LMTK2: variants seen among roughly 807,000 people sequenced by gnomAD.
LMTK2 encodes serine/threonine-protein kinase LMTK2.
In LMTK2, 37 loss-of-function variants were observed where a neutral mutation model predicts 127.5. The ratio of observed to expected loss-of-function variants is 0.29; its 90% CI spans 0.22 to 0.38. The LOEUF (loss-of-function observed/expected upper bound fraction) is 0.38, where lower values mean the gene tolerates loss of function less well. Ranked by LOEUF, LMTK2 falls within the 10% of genes least tolerant of loss-of-function variation. The pLI is 1.00. For synonymous variants in LMTK2, 819 were observed against 810.1 expected, an observed-to-expected ratio of 1.01 and a Z score of -0.19; for missense variants, 1,694 against 1,920.3, an observed-to-expected ratio of 0.88 and a Z score of 2.20.
At position 98,154,974 on chromosome 7, in the gene LMTK2, T is replaced by A. The variant is rs531356231; in HGVS notation, c.569+98T>A. The A allele has an allele frequency of 8.6e-5, 61 of 712,500 alleles. No homozygotes were observed. The African/African-American group carries it at 1.0e-3, about 12-fold the overall frequency. 44.1% of individuals were successfully genotyped at this position (712,500 alleles called of 1,614,324 possible). On this transcript the variant is annotated intron_variant, in intron 5 of 13. Transcript: ENST00000297293. ...GTGGGATTTCTGCCTGTAACATACA[T>A]GATTAAGTAAGTTCCAAGGTCTCAT...
chr7:98,173,947 T>A (rs182546408), intron 7 of LMTK2, among the ~76,000 whole-genome samples: 1 of 152,136 alleles, frequency 6.6e-6, no homozygotes, highest in Admixed American at 6.6e-5. Context: ...TCCCAGCTAT[T>A]CGGGAGGCTG....
intron 3 of LMTK2, among the ~76,000 whole-genome samples, chr7:98,148,904 G>A (rs1019179829): frequency 6.6e-6 from 1 of 152,150 alleles, no homozygotes; most frequent in Non-Finnish European, 1.5e-5. Context: ...GAGCATACAC[G>A]TGGCTGTCTA....
intron 3 of LMTK2, among the ~76,000 whole-genome samples, chr7:98,148,479 C>T (rs7797765): frequency 0.052 from 7,559 of 144,368 alleles, 666 homozygotes; most frequent in African/African-American, 0.18. Flanking sequence ...GGTGACAGAG[C>T]GAGACTCCGT....
intron 7 of LMTK2, among the ~76,000 whole-genome samples, chr7:98,179,099 G>C (rs1294899727): frequency 6.6e-6 from 1 of 152,208 alleles, no homozygotes; most frequent in Non-Finnish European, 1.5e-5. Context: ...TTTTCCCCTG[G>C]GAACACCAGT....
Position 98,114,445 on chromosome 7 carries a change from A to G in LMTK2, c.103+7165A>G, listed in dbSNP as rs1421779476. On this transcript the variant is annotated intron_variant, in intron 1 of 13. Coordinates refer to ENST00000297293, the MANE Select transcript of LMTK2 (RefSeq NM_014916.4). ...TTTTCTATAGAGATGGGATCTCACT[A>G]TATTGCCCAGGCTGGTCTCAAACTC... is the stretch of plus-strand genomic sequence containing the variant. Among the ~76,000 whole-genome samples the G allele has an allele frequency of 5.3e-5, 8 of 151,838 alleles. 1 individual carries two copies. In the Middle Eastern group the frequency reaches 0.01, roughly 194 times the overall value.
intron 1 of LMTK2, among the ~76,000 whole-genome samples, chr7:98,130,175 G>A (rs1796502189): frequency 6.6e-6 from 1 of 152,098 alleles, no homozygotes; most frequent in South Asian, 2.1e-4. Context: ...TCATAGTAGA[G>A]AGCTGGCGGG....
intron 7 of LMTK2, among the ~76,000 whole-genome samples, chr7:98,178,238 C>G (rs934669533): frequency 6.6e-6 from 1 of 152,182 alleles, no homozygotes; most frequent in African/African-American, 2.4e-5. Flanking sequence ...ATCCAGATTA[C>G]TCGGGAAAGC....
intron 1 of LMTK2, among the ~76,000 whole-genome samples, chr7:98,122,720 GTGTGTGTATA>G (rs1213671033): frequency 0.075 from 4,572 of 60,842 alleles, 198 homozygotes; most frequent in East Asian, 0.18. Context: ...GTGTGTGTGT[GTGTGTGTATA>G]TATATAACTG....
chr7:98,146,325 A>G lies in LMTK2; in HGVS notation c.376+4784A>G, dbSNP rs1028932498. Among the ~76,000 whole-genome samples the G allele has an allele frequency of 3.3e-5, 5 of 152,098 alleles. No individual in the cohort carries two copies. The South Asian group carries it at 6.2e-4, about 19-fold the overall frequency. On this transcript the variant is annotated intron_variant, in intron 3 of 13. Transcript: ENST00000297293. ...CTATTTGGGATTTCTTACAATTCCAACTGAATGTAAGTATCAGCCTTCCTA... is the reference window on the plus strand; with the variant it reads ...CTATTTGGGATTTCTTACAATTCCAGCTGAATGTAAGTATCAGCCTTCCTA...
chr7:98,140,788 G>A (rs190312162), intron 2 of LMTK2, among the ~76,000 whole-genome samples: 39 of 151,872 alleles, frequency 2.6e-4, no homozygotes, highest in African/African-American at 8.4e-4. Flanking sequence ...TTGGCCAGGC[G>A]CTGTGGCTAA....
chr7:98,187,752 C>T (rs1356092600), intron 9 of LMTK2, among the ~76,000 whole-genome samples: 3 of 151,830 alleles, frequency 2.0e-5, no homozygotes, highest in Non-Finnish European at 4.4e-5. Context: ...TTGGGATTAC[C>T]AATATGTACT....
chr7:98,140,173 T>G (rs747688679), intron 2 of LMTK2, among the ~76,000 whole-genome samples: 50,041 of 62,142 alleles, frequency 0.81, 20,501 homozygotes, highest in Middle Eastern at 0.88. Flanking sequence ...TTTTCTTTTC[T>G]TTCTTTTCTT....
chr7:98,122,328 G>A (rs750912744), intron 1 of LMTK2, among the ~76,000 whole-genome samples: 1 of 152,012 alleles, frequency 6.6e-6, no homozygotes, highest in African/African-American at 2.4e-5. Flanking sequence ...AATCAGCATA[G>A]TACCCCATAG....
chr7:98,125,274 G>A (rs887466429), intron 1 of LMTK2, among the ~76,000 whole-genome samples: 18 of 149,686 alleles, frequency 1.2e-4, no homozygotes, highest in African/African-American at 4.4e-4. Context: ...CTGCACTCCA[G>A]CCTGGGTGAC....
At chr7:98,178,570 C>A (rs6965016) in intron 7 of LMTK2, among the ~76,000 whole-genome samples, 56,647 of 152,106 alleles carry the variant, frequency 0.37, 13,387 homozygotes, top group Middle Eastern at 0.62. Flanking sequence ...ATCCCTGGAC[C>A]TGTTTTTCAA....
At chr7:98,180,438 T>A (rs1381363403) in intron 7 of LMTK2, among the ~76,000 whole-genome samples, 2 of 152,352 alleles carry the variant, frequency 1.3e-5, no homozygotes, top group South Asian at 2.1e-4. Context: ...TTATAAAGAC[T>A]CTAAGGGTTA....
At chr7:98,108,949 C>T (rs372251759) in intron 1 of LMTK2, among the ~76,000 whole-genome samples, 4 of 151,534 alleles carry the variant, frequency 2.6e-5, no homozygotes, top group Admixed American at 6.6e-5. Context: ...TGCAACCCCC[C>T]CCTTCCGAGT....
intron 6 of LMTK2, among the ~76,000 whole-genome samples, chr7:98,167,755 G>A (rs1268961644): frequency 6.6e-6 from 1 of 152,160 alleles, no homozygotes; most frequent in Non-Finnish European, 1.5e-5. Flanking sequence ...TTCAAGCCAT[G>A]GGGTGGCTGA....
At chr7:98,186,558 G>A (rs1009204453) in intron 8 of LMTK2, among the ~76,000 whole-genome samples, 7 of 152,154 alleles carry the variant, frequency 4.6e-5, no homozygotes, top group East Asian at 1.9e-4. Flanking sequence ...ACTGTTCAGC[G>A]CATAAGTCCC....
Sources: allele counts gnomAD v4.1 joint callset (sites outside exome capture counted in the v4.1 genomes callset), GRCh38; gene constraint gnomAD v4.1.1; transcripts MANE v1.5; gene names NCBI Gene and HGNC (gene_info 2026-07-23, HGNC 2026-07-21).